CHST11: variants seen among roughly 807,000 people sequenced by gnomAD.
CHST11 encodes the protein carbohydrate sulfotransferase 11, also known as C4S-1.
In CHST11, 9 loss-of-function variants were observed where a neutral mutation model predicts 30.4. That is an observed-to-expected ratio of 0.30 (90% confidence interval 0.18 to 0.52). The LOEUF is 0.52. CHST11 is among the 20% of genes least tolerant of loss of function. The pLI, the probability that CHST11 is intolerant of heterozygous loss-of-function variation, is 0.97. For synonymous variants in CHST11, 152 were observed against 187.8 expected, an observed-to-expected ratio of 0.81 and a Z score of 1.56; for missense variants, 348 against 460.6, an observed-to-expected ratio of 0.76 and a Z score of 2.24.
intron 1 of CHST11, among the ~76,000 whole-genome samples, chr12:104,589,768 G>C (rs1051526100): frequency 2.0e-5 from 3 of 152,210 alleles, no homozygotes; most frequent in African/African-American, 7.2e-5. Flanking sequence ...CCAGCACTTT[G>C]GGAGGCTGAG....
At chr12:104,649,834 G>A (rs145042577) in intron 2 of CHST11, among the ~76,000 whole-genome samples, 1 of 152,320 alleles carries the variant, frequency 6.6e-6, no homozygotes, top group Non-Finnish European at 1.5e-5. Flanking sequence ...TCAGCATGGT[G>A]AGCTCACATA....
At chr12:104,632,533 A>T (rs1017077190) in intron 2 of CHST11, among the ~76,000 whole-genome samples, 2 of 152,182 alleles carry the variant, frequency 1.3e-5, no homozygotes, top group Non-Finnish European at 2.9e-5. Context: ...CAAAGAAAAG[A>T]TTCTCTAACT....
chr12:104,501,400 T>C (rs2135974706), intron 1 of CHST11, among the ~76,000 whole-genome samples: 1 of 152,294 alleles, frequency 6.6e-6, no homozygotes, highest in Middle Eastern at 3.4e-3. Context: ...TTAATTTTGC[T>C]AGGTAATTTT....
At chr12:104,498,322 C>T (rs2037820421) in intron 1 of CHST11, among the ~76,000 whole-genome samples, 1 of 152,150 alleles carries the variant, frequency 6.6e-6, no homozygotes, top group South Asian at 2.1e-4. Context: ...CTTCTCCCTC[C>T]TGGGCTGGGG....
chr12:104,549,671 C>T (rs777859806), intron 1 of CHST11, among the ~76,000 whole-genome samples: 3 of 151,976 alleles, frequency 2.0e-5, no homozygotes, highest in African/African-American at 7.3e-5. Context: ...GTTGGAAGGC[C>T]GAGGCAGGAG....
intron 1 of CHST11, among the ~76,000 whole-genome samples, chr12:104,527,275 T>G (rs1285682669): frequency 1.3e-5 from 2 of 152,170 alleles, no homozygotes; most frequent in African/African-American, 4.8e-5. Flanking sequence ...ATAACTTTGT[T>G]GTTTAGGCCA....
At chr12:104,575,142 G>A (rs566163028) in intron 1 of CHST11, among the ~76,000 whole-genome samples, 4 of 151,990 alleles carry the variant, frequency 2.6e-5, no homozygotes, top group East Asian at 1.9e-4. Context: ...GCAGTGAGCC[G>A]AGACTGTGCC....
intron 2 of CHST11, among the ~76,000 whole-genome samples, chr12:104,723,729 T>C (rs1447788401): frequency 1.3e-5 from 2 of 152,184 alleles, no homozygotes; most frequent in Non-Finnish European, 2.9e-5. Flanking sequence ...TAAGTGGCCC[T>C]CCCTGGAAAG....
intron 1 of CHST11, among the ~76,000 whole-genome samples, chr12:104,457,788 T>G (rs948863870): frequency 5.0e-5 from 7 of 140,500 alleles, no homozygotes; most frequent in Non-Finnish European, 1.1e-4. Flanking sequence ...GGCGGTAGTT[T>G]TTTTTTTTTT....
intron 2 of CHST11, among the ~76,000 whole-genome samples, chr12:104,744,960 G>A (rs1003306919): frequency 1.5e-4 from 23 of 151,786 alleles, no homozygotes; most frequent in African/African-American, 5.3e-4. Flanking sequence ...TGCAACCTCC[G>A]CCTCCCAGGT....
intron 2 of CHST11, among the ~76,000 whole-genome samples, chr12:104,608,026 G>A (rs1227366557): frequency 6.6e-6 from 1 of 152,124 alleles, no homozygotes; most frequent in Non-Finnish European, 1.5e-5. Context: ...CACTCTGGGA[G>A]CTTTTGGGAA....
chr12:104,598,836 T>C (rs1863882), intron 1 of CHST11, among the ~76,000 whole-genome samples: 93,350 of 151,814 alleles, frequency 0.61, 28,928 homozygotes, highest in East Asian at 0.73. Context: ...CCCTGGTGGG[T>C]GGGGTGGGCC....
intron 1 of CHST11, among the ~76,000 whole-genome samples, chr12:104,487,036 T>G (rs1237977938): frequency 6.6e-6 from 1 of 152,196 alleles, no homozygotes; most frequent in Non-Finnish European, 1.5e-5. Flanking sequence ...TTTCGGTGAA[T>G]CCTTTGGTCG....
intron 1 of CHST11, among the ~76,000 whole-genome samples, chr12:104,526,050 C>A (rs2038122590): frequency 6.6e-6 from 1 of 152,050 alleles, no homozygotes; most frequent in African/African-American, 2.4e-5. Context: ...CAGACGACCC[C>A]ACTTAGAAAA....
At chr12:104,487,903 G>T (rs2037698920) in intron 1 of CHST11, among the ~76,000 whole-genome samples, 1 of 150,912 alleles carries the variant, frequency 6.6e-6, no homozygotes, top group Admixed American at 6.6e-5. Flanking sequence ...TCTATTAGAA[G>T]ATTTATTTTT....
At chr12:104,552,424 G>T (rs2038412990) in intron 1 of CHST11, 2 of 152,682 alleles carry the variant, frequency 1.3e-5, no homozygotes, top group Non-Finnish European at 2.9e-5. Context: ...TCCCACCTCA[G>T]CCTCCTGAGT....
chr12:104,612,856 G>A (rs1428868178), intron 2 of CHST11, among the ~76,000 whole-genome samples: 1 of 152,228 alleles, frequency 6.6e-6, no homozygotes, highest in Non-Finnish European at 1.5e-5. Flanking sequence ...CCCAAAGGAA[G>A]TGCAAGCAGC....
At chr12:104,515,433 C>T (rs1309322960) in intron 1 of CHST11, among the ~76,000 whole-genome samples, 1 of 152,190 alleles carries the variant, frequency 6.6e-6, no homozygotes, top group Non-Finnish European at 1.5e-5. Flanking sequence ...GTCTTTCCCT[C>T]CGATGGTGTT....
Position 104,633,614 on chromosome 12 carries a change from A to G in CHST11, c.204+31623A>G, listed in dbSNP as rs551947565. Among the ~76,000 whole-genome samples, 20 of 151,962 alleles carry G rather than the reference A, an allele frequency of 1.3e-4. No homozygotes were observed. In the South Asian group the frequency reaches 4.2e-3, roughly 32 times the overall value. On this transcript the variant is annotated intron_variant, in intron 2 of 2. Transcript: ENST00000303694. ...GTATTTTTAGTAGAGACATGGTTTC[A>G]CCATGTTGGCCAGGCTGGTCTTGAA...
Sources: gnomAD v4.1 joint callset for allele counts (sites outside exome capture counted in the v4.1 genomes callset) on GRCh38, gnomAD v4.1.1 for gene constraint, MANE v1.5 for transcripts, NCBI Gene and HGNC (gene_info 2026-07-23, HGNC 2026-07-21) for gene names.